The following ARHGAP21 variants were observed in gnomAD, a reference collection of about 807,000 sequenced individuals.
ARHGAP21 encodes Rho GTPase activating protein 21.
A neutral mutation model predicts 164.6 loss-of-function variants in ARHGAP21; 38 were observed. That is an observed-to-expected ratio of 0.23 (90% CI 0.18 to 0.30). The LOEUF is 0.30. Ranked by LOEUF, ARHGAP21 falls within the 10% of genes least tolerant of loss-of-function variation. The pLI is 1.00. For synonymous variants in ARHGAP21, 766 were observed against 857.9 expected (o/e 0.89, Z 1.87); for missense variants, 1,822 against 2,370.7 (o/e 0.77, Z 4.81).
At chr10:24,688,065 T>C (rs568880900) in intron 2 of ARHGAP21, among the ~76,000 whole-genome samples, 4 of 152,206 alleles carry the variant, frequency 2.6e-5, no homozygotes, top group Non-Finnish European at 5.9e-5. Context: ...TCAAAGAATT[T>C]TATAGCTAGA....
intron 12 of ARHGAP21, among the ~76,000 whole-genome samples, chr10:24,602,804 C>T (rs764843658): frequency 4.6e-5 from 7 of 151,956 alleles, no homozygotes; most frequent in African/African-American, 7.3e-5. Flanking sequence ...TGAAAGATGA[C>T]GGCAGCTTGG....
At chr10:24,662,012 A>G (rs1279680011) in intron 4 of ARHGAP21, among the ~76,000 whole-genome samples, 1 of 152,202 alleles carries the variant, frequency 6.6e-6, no homozygotes, top group Non-Finnish European at 1.5e-5. Flanking sequence ...CAAAGGTGCG[A>G]TCAAGGTAGG....
At chr10:24,592,596 C>T (rs2076382782) in intron 21 of ARHGAP21, among the ~76,000 whole-genome samples, 1 of 151,716 alleles carries the variant, frequency 6.6e-6, no homozygotes, top group African/African-American at 2.4e-5. Context: ...CTGCTTGAGC[C>T]CAGGAGTTCA....
intron 9 of ARHGAP21, among the ~76,000 whole-genome samples, chr10:24,609,805 C>T (rs1272634531): frequency 6.6e-6 from 1 of 152,120 alleles, no homozygotes; most frequent in Admixed American, 6.6e-5. Context: ...TAGAAAAATA[C>T]ATATTATTTA....
chr10:24,655,636 C>G (rs1315739909), intron 4 of ARHGAP21, among the ~76,000 whole-genome samples: 2 of 149,102 alleles, frequency 1.3e-5, no homozygotes, highest in African/African-American at 5.0e-5. Context: ...CGGCCGCCAC[C>G]CCGTCTGGGA....
chr10:24,645,366 C>A (rs1233003231), intron 4 of ARHGAP21, among the ~76,000 whole-genome samples: 1 of 151,954 alleles, frequency 6.6e-6, no homozygotes, highest in Non-Finnish European at 1.5e-5. Context: ...TGATCACCTG[C>A]AGTCAGGAGA....
chr10:24,638,278 A>C (rs1283218009), intron 4 of ARHGAP21, among the ~76,000 whole-genome samples: 2 of 152,176 alleles, frequency 1.3e-5, no homozygotes, highest in South Asian at 2.1e-4. Flanking sequence ...CTTAAATATA[A>C]GCAGATTTCA....
At position 24,711,999 on chromosome 10, in the gene ARHGAP21, C is replaced by G. The variant is rs139237439; in HGVS notation, c.63+9838G>C. Among the ~76,000 whole-genome samples the G allele has an allele frequency of 8.5e-5, 13 of 152,244 alleles. No individual in the cohort carries two copies. The East Asian group carries it at 2.5e-3, about 29-fold the overall frequency. On this transcript the variant is annotated intron_variant, in intron 2 of 25. Transcript: ENST00000396432. ...CTCCATCTGGGCTCACCACAACCTCCGCCACTTGGATTCAAGACGATTTTC... is the reference window on the plus strand; with the variant it reads ...CTCCATCTGGGCTCACCACAACCTCGGCCACTTGGATTCAAGACGATTTTC...
At chr10:24,629,685 A>C (rs1193994727) in intron 7 of ARHGAP21, 2 of 324,826 alleles carry the variant, frequency 6.2e-6, no homozygotes, top group Non-Finnish European at 1.2e-5. Context: ...CTTGCACTCT[A>C]AACTCTTCCT....
rs759405248 is a variant in ARHGAP21, at chr10:24,590,287, T to C, written c.4150+938A>G. 32 of 1,532,142 alleles carry C rather than the reference T, an allele frequency of 2.1e-5. No homozygotes were observed. The Admixed American group carries it at 3.0e-4, about 14-fold the overall frequency. The allele number at this position is 1,532,142 out of a possible 1,614,324, so 94.9% of individuals were successfully genotyped here. A position where few individuals can be genotyped will look rare whatever the true frequency, so the allele number is the denominator to read the frequency against. ...TTTAAGAAAGTAGTATTGATCTGTTTACAATAATCTTATGAGAAACTTTAC... is the reference window on the plus strand; with the variant it reads ...TTTAAGAAAGTAGTATTGATCTGTTCACAATAATCTTATGAGAAACTTTAC... On this transcript the variant is annotated intron_variant, in intron 24 of 25. Transcript: ENST00000396432.
chr10:24,671,118 T>C (rs1439930033), intron 2 of ARHGAP21, among the ~76,000 whole-genome samples: 2 of 152,104 alleles, frequency 1.3e-5, no homozygotes, highest in African/African-American at 2.4e-5. Flanking sequence ...CATCACCCCA[T>C]GTTCTCACTT....
intron 2 of ARHGAP21, among the ~76,000 whole-genome samples, chr10:24,680,013 C>T (rs1841620100): frequency 6.6e-6 from 1 of 151,280 alleles, no homozygotes; most frequent in Admixed American, 6.6e-5. Context: ...AATTCCCACC[C>T]TAAAACTTAA....
At chr10:24,714,807 G>C (rs1378999777) in intron 2 of ARHGAP21, among the ~76,000 whole-genome samples, 1 of 152,084 alleles carries the variant, frequency 6.6e-6, no homozygotes, top group Non-Finnish European at 1.5e-5. Flanking sequence ...GGCCACAGTA[G>C]GCAGATCACA....
intron 5 of ARHGAP21, among the ~76,000 whole-genome samples, chr10:24,634,573 G>T (rs142680534): frequency 3.3e-5 from 5 of 152,304 alleles, no homozygotes; most frequent in East Asian, 3.9e-4. Context: ...CTTATGTTCC[G>T]CATTGGAGAC....
intron 2 of ARHGAP21, among the ~76,000 whole-genome samples, chr10:24,704,759 G>A (rs982184937): frequency 8.5e-5 from 13 of 152,052 alleles, no homozygotes; most frequent in Non-Finnish European, 1.2e-4. Context: ...GTGAGCCACC[G>A]CGTCTGGTGG....
At chr10:24,716,491 G>A (rs1317420741) in intron 2 of ARHGAP21, among the ~76,000 whole-genome samples, 1 of 152,230 alleles carries the variant, frequency 6.6e-6, no homozygotes, top group Non-Finnish European at 1.5e-5. Context: ...CCACGTTTGT[G>A]TACATGCAGA....
At chr10:24,690,657 T>A (rs1842679548) in intron 2 of ARHGAP21, among the ~76,000 whole-genome samples, 1 of 151,878 alleles carries the variant, frequency 6.6e-6, no homozygotes, top group Non-Finnish European at 1.5e-5. Context: ...GGTGAAACCC[T>A]GTCTCTACTA....
At chr10:24,718,196 G>T (rs555541642) in intron 2 of ARHGAP21, among the ~76,000 whole-genome samples, 1 of 152,142 alleles carries the variant, frequency 6.6e-6, no homozygotes, top group Admixed American at 6.5e-5. Context: ...CCTAGTTTTT[G>T]ACTTGGACCA....
chr10:24,676,690 GA>G (rs557490349), intron 2 of ARHGAP21, among the ~76,000 whole-genome samples: 1 of 151,946 alleles, frequency 6.6e-6, no homozygotes, highest in African/African-American at 2.4e-5. Context: ...AACATAATTT[GA>G]AAAAAAGAAC....
Sources: gnomAD v4.1 joint callset for allele counts (sites outside exome capture counted in the v4.1 genomes callset) on GRCh38, gnomAD v4.1.1 for gene constraint, MANE v1.5 for transcripts, NCBI Gene and HGNC (gene_info 2026-07-23, HGNC 2026-07-21) for gene names.